The following SOCS2 variants were observed in gnomAD, a reference collection of about 807,000 sequenced individuals.
SOCS2 encodes CIS-2.
Under a neutral mutation model 18.6 loss-of-function variants are expected in SOCS2, and 10 were observed. The ratio of observed to expected loss-of-function variants is 0.54; its 90% confidence interval spans 0.33 to 0.91. The LOEUF (loss-of-function observed/expected upper bound fraction) is 0.91. SOCS2 is among the 40% of genes least tolerant of loss of function. The probability of loss-of-function intolerance (pLI) is 0.02; values close to 1 mark genes in which losing one functional copy is unlikely to be tolerated. For missense variants in SOCS2, 231 were observed against 247.2 expected (o/e 0.93, Z 0.44); for synonymous variants, 104 against 104.0 (o/e 1.00, Z 0.00).
the SOCS2 span, among the ~76,000 whole-genome samples, chr12:93,617,708 G>C: frequency 1.3e-5 from 2 of 151,690 alleles, no homozygotes; most frequent in Non-Finnish European, 2.9e-5. Flanking sequence ...AAAAAAAATA[G>C]AGTTTTCACA....
the SOCS2 span, among the ~76,000 whole-genome samples, chr12:93,619,886 A>G: frequency 6.6e-6 from 1 of 152,204 alleles, no homozygotes; most frequent in Admixed American, 6.5e-5. Flanking sequence ...CCTGCCCTGG[A>G]TCACCACAGC....
the SOCS2 span, among the ~76,000 whole-genome samples, chr12:93,613,017 C>A: frequency 6.6e-6 from 1 of 152,146 alleles, no homozygotes; most frequent in African/African-American, 2.4e-5. Flanking sequence ...GGCTGAGAGA[C>A]AAAGACGGAA....
chr12:93,591,340 A>G, the SOCS2 span, among the ~76,000 whole-genome samples: 1 of 152,126 alleles, frequency 6.6e-6, no homozygotes, highest in Non-Finnish European at 1.5e-5. Flanking sequence ...AGGAACGGAA[A>G]TGAATTAGCC....
the SOCS2 span, among the ~76,000 whole-genome samples, chr12:93,605,319 A>G: frequency 1.3e-5 from 2 of 152,164 alleles, no homozygotes; most frequent in Non-Finnish European, 2.9e-5. Flanking sequence ...AAAGTCTACT[A>G]TGTATTGCTT....
the SOCS2 span, among the ~76,000 whole-genome samples, chr12:93,605,545 G>T: frequency 6.6e-6 from 1 of 152,216 alleles, no homozygotes; most frequent in Non-Finnish European, 1.5e-5. Context: ...CATATGGTGA[G>T]ACAGTTTGAC....
the SOCS2 span, among the ~76,000 whole-genome samples, chr12:93,602,712 G>A: frequency 2.0e-5 from 3 of 152,214 alleles, no homozygotes; most frequent in South Asian, 2.1e-4. Context: ...AGGGTGCTTC[G>A]TAACAAAACT....
chr12:93,613,482 C>T, the SOCS2 span, among the ~76,000 whole-genome samples: 8 of 152,048 alleles, frequency 5.3e-5, no homozygotes, highest in Non-Finnish European at 1.0e-4. Context: ...GAGTTTGAGA[C>T]CTAGTTCTAC....
the SOCS2 span, among the ~76,000 whole-genome samples, chr12:93,614,246 C>T: frequency 2.0e-5 from 3 of 152,162 alleles, no homozygotes; most frequent in Non-Finnish European, 4.4e-5. Flanking sequence ...CAAACATATC[C>T]TTGTTTTTCC....
At chr12:93,605,316 A>C in the SOCS2 span, among the ~76,000 whole-genome samples, 3 of 152,292 alleles carry the variant, frequency 2.0e-5, no homozygotes, top group South Asian at 6.2e-4. Context: ...CCCAAAGTCT[A>C]CTATGTATTG....
At chr12:93,582,435 C>A (rs1395209459) in intron 1 of SOCS2, among the ~76,000 whole-genome samples, 1 of 152,112 alleles carries the variant, frequency 6.6e-6, no homozygotes, top group Non-Finnish European at 1.5e-5. Context: ...TGGCTTGGAA[C>A]AAAGCAAGGG....
At chr12:93,620,605 G>T in the SOCS2 span, among the ~76,000 whole-genome samples, 1 of 151,810 alleles carries the variant, frequency 6.6e-6, no homozygotes, top group Non-Finnish European at 1.5e-5. Context: ...GTAGAGTCAG[G>T]GTTTTGCCAT....
upstream of SOCS2, chr12:93,572,181 C>T (rs939783784): frequency 8.2e-5 from 14 of 171,014 alleles, no homozygotes; most frequent in East Asian, 1.5e-3. The surrounding 1 kb of genome is among the most constrained non-coding windows in gnomAD (Gnocchi z 5.0). Flanking sequence ...CACCTCCGCA[C>T]CCCGGGTTGG....
the SOCS2 span, among the ~76,000 whole-genome samples, chr12:93,597,503 A>T: frequency 2.6e-5 from 4 of 152,088 alleles, no homozygotes; most frequent in Non-Finnish European, 4.4e-5. Flanking sequence ...TTCAGTAGAG[A>T]TGGGGCTTTG....
At chr12:93,609,540 CTTAATTTATTACCTTATTATTTACT>C in the SOCS2 span, among the ~76,000 whole-genome samples, 3 of 151,000 alleles carry the variant, frequency 2.0e-5, no homozygotes, top group Admixed American at 1.3e-4. Context: ...AATTATTTAT[CTTAATTTATTACCTTATTATTTACT>C]TTAATTTATT....
chr12:93,614,415 TTCTTCCTTTCTTTCCC>T, the SOCS2 span, among the ~76,000 whole-genome samples: 4 of 130,604 alleles, frequency 3.1e-5, no homozygotes, highest in African/African-American at 9.2e-5. Flanking sequence ...CTTTCTTTCT[TTCTTCCTTTCTTTCCC>T]TTCCTTCCTT....
chr12:93,590,783 C>CAAAAAAAAAA, the SOCS2 span, among the ~76,000 whole-genome samples: 33 of 38,950 alleles, frequency 8.5e-4, 11 homozygotes, highest in African/African-American at 3.0e-3. Flanking sequence ...GACTCCGCCT[C>CAAAAAAAAAA]AAAAAAAAAA....
downstream of SOCS2, among the ~76,000 whole-genome samples, chr12:93,580,618 CAAAAAAAAAA>C (rs35305411): frequency 1.4e-5 from 1 of 73,156 alleles, no homozygotes; most frequent in Non-Finnish European, 2.8e-5. Flanking sequence ...GAGACTGTCT[CAAAAAAAAAA>C]AAAAAAAAAA....
the SOCS2 span, among the ~76,000 whole-genome samples, chr12:93,609,581 T>TATTA: frequency 2.0e-5 from 3 of 152,050 alleles, no homozygotes. Context: ...TTATTACCTT[T>TATTA]ATTATTTGGT....
chr12:93,606,583 C>T, the SOCS2 span, among the ~76,000 whole-genome samples: 1 of 152,106 alleles, frequency 6.6e-6, no homozygotes, highest in Non-Finnish European at 1.5e-5. Context: ...GATTTCATCA[C>T]ACCTTTTAAA....
Sources: gnomAD v4.1 joint callset for allele counts (sites outside exome capture counted in the v4.1 genomes callset) on GRCh38, gnomAD v4.1.1 for gene constraint, Gnocchi (gnomAD v3.1) non-coding constraint, MANE v1.5 for transcripts, NCBI Gene and HGNC (gene_info 2026-07-23, HGNC 2026-07-21) for gene names.